ZNF320: variants seen among roughly 807,000 people sequenced by gnomAD.
ZNF320 encodes the protein zinc finger gene 320.
In ZNF320, 2 loss-of-function variants were observed where a neutral mutation model predicts 6.8. The observed-to-expected ratio is 0.29, with a 90% CI of 0.12 to 0.93. The LOEUF (loss-of-function observed/expected upper bound fraction) is 0.93, where lower values mean the gene tolerates loss of function less well. ZNF320 is among the 40% of genes least tolerant of loss of function. The pLI is 0.55. For synonymous variants in ZNF320, 208 were observed against 203.2 expected, an observed-to-expected ratio of 1.02 and a Z score of -0.20; for missense variants, 472 against 611.0, an observed-to-expected ratio of 0.77 and a Z score of 2.40.
chr19:52,888,197 G>A lies in ZNF320; in HGVS notation c.72C>T (p.Cys24=), dbSNP rs1422307456. The A allele has an allele frequency of 6.6e-7, 1 of 1,518,462 alleles. No homozygotes were observed. 94.1% of individuals were successfully genotyped at this position (1,518,462 alleles called of 1,614,324 possible). A position where few individuals can be genotyped will look rare whatever the true frequency, so the allele number is the denominator to read the frequency against. ...AIEFSQEEWK[C]LDPAQRTLYR... ...ATAGAGTCCTCTGAGCAGGGTCCAG[G>A]CATTTCCACTCCTCCTGAGAGAATT... Residue 24 remains cysteine, a synonymous_variant, in exon 5 of 6, where the codon TGC becomes TGT. Coordinates refer to ENST00000682928, the MANE Select transcript of ZNF320 (RefSeq NM_001351774.2).
chr19:52,875,198 C>T (rs1464774418), downstream of ZNF320, among the ~76,000 whole-genome samples: 2 of 152,196 alleles, frequency 1.3e-5, no homozygotes, highest in Admixed American at 1.3e-4. Flanking sequence ...CAGAAATACA[C>T]TGTCACCCTC....
chr19:52,884,600 G>T (rs1234180576), intron 5 of ZNF320, among the ~76,000 whole-genome samples: 2 of 152,162 alleles, frequency 1.3e-5, no homozygotes, highest in African/African-American at 2.4e-5. Context: ...TTTTAGGTGT[G>T]AGCCACTGCG....
At chr19:52,894,290 C>T (rs2064402773) in intron 1 of ZNF320, 1 of 149,730 alleles carries the variant, frequency 6.7e-6, no homozygotes, top group Non-Finnish European at 1.5e-5. Flanking sequence ...GAGGCTGAGT[C>T]AAGAGAAGCA....
At chr19:52,892,864 C>G (rs1568729714) in intron 2 of ZNF320, among the ~76,000 whole-genome samples, 1 of 151,754 alleles carries the variant, frequency 6.6e-6, no homozygotes, top group Admixed American at 6.6e-5. Context: ...TGCCCTGGCT[C>G]CAAATCCCTC....
rs2063828077 is a variant in ZNF320 at position 52,878,611 on chromosome 19, T to C, written c.*1985A>G. The C allele has an allele frequency of 6.6e-6, 1 of 152,164 alleles. No homozygotes were observed. The highest frequency in any genetic ancestry group is 1.5e-5 in the Non-Finnish European group (1 of 68,044). The allele number at this position is 152,164 out of a possible 1,614,324, so 9.4% of individuals were successfully genotyped here. Reference sequence around the variant, plus strand: ...AATAAGTTTTCCATTTACAAACTGGTGATTTATTTTGGGAATCGTCCCCAT... The same window carrying C: ...AATAAGTTTTCCATTTACAAACTGGCGATTTATTTTGGGAATCGTCCCCAT... On this transcript the variant is annotated 3_prime_UTR_variant, in exon 6 of 6. Transcript: ENST00000682928.
chr19:52,904,034 A>G, the ZNF320 span, among the ~76,000 whole-genome samples: 1 of 149,472 alleles, frequency 6.7e-6, no homozygotes, highest in African/African-American at 2.5e-5. Context: ...AAGTGCCAAT[A>G]CAGGCATGCT....
At position 52,878,165 on chromosome 19, in the gene ZNF320, T is replaced by C; in HGVS notation, c.*2431A>G. On this transcript the variant is annotated 3_prime_UTR_variant, in exon 6 of 6. Coordinates refer to ENST00000682928, the MANE Select transcript of ZNF320 (RefSeq NM_001351774.2). ...TTCCTTATAGATCCAGCTTGGCTCTTCTCCAGTGTCGTCTTTGACAGTTGT... is the reference window on the plus strand; with the variant it reads ...TTCCTTATAGATCCAGCTTGGCTCTCCTCCAGTGTCGTCTTTGACAGTTGT... The C allele has an allele frequency of 4.8e-6, 1 of 208,838 alleles. No homozygotes were observed. Among genetic ancestry groups the C allele is most frequent in the Non-Finnish European group, 1.0e-5 (1 of 97,618 alleles). 12.9% of individuals were successfully genotyped at this position (208,838 alleles called of 1,614,324 possible). A position where few individuals can be genotyped will look rare whatever the true frequency, so the allele number is the denominator to read the frequency against.
downstream of ZNF320, among the ~76,000 whole-genome samples, chr19:52,873,368 C>T (rs1043711094): frequency 9.2e-5 from 14 of 152,180 alleles, no homozygotes; most frequent in African/African-American, 2.9e-4. Context: ...TGGAGAATGG[C>T]GATGCCTTTC....
chr19:52,880,987 G>T lies in ZNF320; in HGVS notation c.1139C>A (p.Thr380Asn). 1 of 1,613,754 alleles carries T rather than the reference G, an allele frequency of 6.2e-7. No homozygotes were observed. Among genetic ancestry groups the T allele is most frequent in the Non-Finnish European group, 8.5e-7 (1 of 1,179,906 alleles). ...ATTACATGTGTAAGGTCTCTCTCCA[G>T]TATGAACTCTCTGATGTTCTGCAAG... ...SRLAEHQRVH[T>N]GERPYTCNEC... Residue 380 changes from threonine (T) to asparagine (N), a missense_variant, in exon 6 of 6, where the codon ACT becomes AAT. Around this residue, in one of 2 missense-constraint regions of ZNF320, gnomAD observed 462 missense variants for 559.7 expected, o/e 0.83. Coordinates refer to ENST00000682928, the MANE Select transcript of ZNF320 (RefSeq NM_001351774.2).
intron 1 of ZNF320, among the ~76,000 whole-genome samples, chr19:52,897,246 T>C (rs2064501857): frequency 6.6e-6 from 1 of 152,142 alleles, no homozygotes; most frequent in Non-Finnish European, 1.5e-5. Flanking sequence ...CTGCAGGATC[T>C]TAGGACCAGG....
At chr19:52,894,040 G>GA (rs1375814518) in intron 1 of ZNF320, 184 bp from the exon 2 acceptor site, 3 of 152,120 alleles carry the variant, frequency 2.0e-5, no homozygotes, top group Non-Finnish European at 4.4e-5. Context: ...TAACTAAATG[G>GA]AAAAACTCAA....
At chr19:52,900,453 G>A (rs994013143), upstream of ZNF320, among the ~76,000 whole-genome samples, 2 of 152,040 alleles carry the variant, frequency 1.3e-5, no homozygotes, top group African/African-American at 4.8e-5. Flanking sequence ...ACTAATTCTC[G>A]GGCTTCCTAT....
the ZNF320 span, among the ~76,000 whole-genome samples, chr19:52,903,205 G>C: frequency 2.6e-5 from 4 of 152,178 alleles, no homozygotes. Flanking sequence ...TACCAGATTA[G>C]AAGTTACTAT....
chr19:52,902,584 T>C (rs981529186), upstream of ZNF320, among the ~76,000 whole-genome samples: 2 of 152,246 alleles, frequency 1.3e-5, no homozygotes, highest in African/African-American at 4.8e-5. Context: ...ATGCTTCCTT[T>C]AGCACCGATT....
At chr19:52,868,324 T>G (rs1314064396) in intron 5 of ZNF320, among the ~76,000 whole-genome samples, 1 of 151,920 alleles carries the variant, frequency 6.6e-6, no homozygotes, top group South Asian at 2.1e-4. Flanking sequence ...CTGACTGACA[T>G]GGAAAAACCC....
chr19:52,897,472 ACCTGCCTCAGGG>A (rs1358042518), intron 1 of ZNF320, 36 bp downstream of exon 1: 1 of 152,200 alleles, frequency 6.6e-6, no homozygotes, highest in African/African-American at 2.4e-5. Context: ...CGAGGACGGG[ACCTGCCTCAGGG>A]CCACTTTAAA....
rs2063801394 is a variant in ZNF320, at chr19:52,877,741, T to G, written c.*2855A>C. ...TGACTTTTCTCTTTGGCTTAGTAAT[T>G]TTTATTTTCCTTTCACAAGCTTGTG... On this transcript the variant is annotated 3_prime_UTR_variant, in exon 6 of 6. Coordinates refer to ENST00000682928, the MANE Select transcript of ZNF320 (RefSeq NM_001351774.2). 1 of 152,210 alleles carries G rather than the reference T, an allele frequency of 6.6e-6. No individual in the cohort carries two copies. Among genetic ancestry groups the G allele is most frequent in the Admixed American group, 6.5e-5 (1 of 15,282 alleles). 9.4% of individuals were successfully genotyped at this position (152,210 alleles called of 1,614,324 possible). A position where few individuals can be genotyped will look rare whatever the true frequency, so the allele number is the denominator to read the frequency against.
At chr19:52,897,132 C>T (rs1402813920) in intron 1 of ZNF320, among the ~76,000 whole-genome samples, 1 of 152,232 alleles carries the variant, frequency 6.6e-6, no homozygotes, top group African/African-American at 2.4e-5. Context: ...CTGTGGAGTG[C>T]TTTCTTGATT....
At chr19:52,866,835 T>C (rs1438091225) in intron 5 of ZNF320, among the ~76,000 whole-genome samples, 1 of 147,204 alleles carries the variant, frequency 6.8e-6, no homozygotes, top group Non-Finnish European at 1.5e-5. Flanking sequence ...TTCCAGCCTG[T>C]TGACAGGGTG....
Sources: allele counts gnomAD v4.1 joint callset (sites outside exome capture counted in the v4.1 genomes callset), GRCh38; gene constraint gnomAD v4.1.1; regional missense constraint gnomAD v4.1.1; transcripts MANE v1.5; gene names NCBI Gene and HGNC (gene_info 2026-07-23, HGNC 2026-07-21).